KCNN3: variants seen among roughly 807,000 people sequenced by gnomAD.
KCNN3 encodes the protein small conductance calcium-activated potassium channel protein 3.
A neutral mutation model predicts 62.9 loss-of-function variants in KCNN3; 16 were observed. The ratio of observed to expected loss-of-function variants is 0.25; its 90% confidence interval spans 0.17 to 0.39. The LOEUF (loss-of-function observed/expected upper bound fraction) is 0.39. KCNN3 is among the 10% of genes least tolerant of loss of function. The pLI, the probability that KCNN3 is intolerant of heterozygous loss-of-function variation, is 1.00. For missense variants in KCNN3, 599 were observed against 949.4 expected, an observed-to-expected ratio of 0.63 and a Z score of 4.85; for synonymous variants, 370 against 389.2, an observed-to-expected ratio of 0.95 and a Z score of 0.58.
intron 2 of KCNN3, among the ~76,000 whole-genome samples, chr1:154,820,555 G>T (rs1364751180): frequency 6.6e-6 from 1 of 152,208 alleles, no homozygotes; most frequent in East Asian, 1.9e-4. Flanking sequence ...GGCTTTGGGT[G>T]GGGTGGAACC....
intron 3 of KCNN3, among the ~76,000 whole-genome samples, chr1:154,740,206 T>C (rs1700799245): frequency 6.6e-6 from 1 of 152,252 alleles, no homozygotes; most frequent in African/African-American, 2.4e-5. Flanking sequence ...CATTCACCTG[T>C]TGATGGACAG....
At position 154,801,284 on chromosome 1, in the gene KCNN3, C is replaced by T. The variant is rs535188447; in HGVS notation, c.1029+20805G>A. 6.6e-5 allele frequency among the ~76,000 whole-genome samples: 10 copies of T among 152,272 alleles called. No homozygotes were observed. The East Asian group carries it at 1.3e-3, about 21-fold the overall frequency. On this transcript the variant is annotated intron_variant, in intron 2 of 7. Transcript: ENST00000271915. ...TTTGCATTCTGAAATGAAGCATCAG[C>T]GTGCAATGACAGTTAAGGTCCCAAG... is the stretch of plus-strand genomic sequence containing the variant.
At chr1:154,854,241 A>T (rs1041856864) in intron 1 of KCNN3, among the ~76,000 whole-genome samples, 8 of 152,192 alleles carry the variant, frequency 5.3e-5, no homozygotes, top group Admixed American at 3.3e-4. Context: ...TCTCAAAAAT[A>T]ATAATAATAA....
intron 2 of KCNN3, among the ~76,000 whole-genome samples, chr1:154,800,678 C>A (rs114307026): frequency 0.013 from 1,968 of 152,200 alleles, 41 homozygotes; most frequent in African/African-American, 0.043. Context: ...TTCCTGGGGG[C>A]CCATTAAGCA....
At chr1:154,847,479 G>A (rs369834256) in intron 1 of KCNN3, among the ~76,000 whole-genome samples, 3 of 152,344 alleles carry the variant, frequency 2.0e-5, no homozygotes, top group South Asian at 2.1e-4. Flanking sequence ...CCAAGACCCC[G>A]CTCTCCTGAT....
chr1:154,750,580 A>C (rs1306171686), intron 3 of KCNN3, among the ~76,000 whole-genome samples: 1 of 152,106 alleles, frequency 6.6e-6, no homozygotes, highest in Admixed American at 6.5e-5. Flanking sequence ...GGCTGGGTCC[A>C]TGTGCATTAG....
Position 154,701,822 on chromosome 1 carries a change from A to G in KCNN3, c.*6154T>C, listed in dbSNP as rs1557930506. On this transcript the variant is annotated 3_prime_UTR_variant, in exon 8 of 8. Transcript: ENST00000271915. Reference sequence around the variant, plus strand: ...AGTTTGGAAAGCCGACCCCGGTTTCACGTACATGGAGAAACTCAGAATGCC... The same window carrying G: ...AGTTTGGAAAGCCGACCCCGGTTTCGCGTACATGGAGAAACTCAGAATGCC... The G allele has an allele frequency of 6.6e-6, 1 of 152,342 alleles. No individual in the cohort carries two copies. Among genetic ancestry groups the G allele is most frequent in the Non-Finnish European group, 1.5e-5 (1 of 68,038 alleles). The allele number at this position is 152,342 out of a possible 1,614,324, so 9.4% of individuals were successfully genotyped here.
chr1:154,846,778 C>G (rs1256785858), intron 1 of KCNN3, among the ~76,000 whole-genome samples: 1 of 152,132 alleles, frequency 6.6e-6, no homozygotes, highest in African/African-American at 2.4e-5. Context: ...GTAATCAAGG[C>G]CTTTGGGGAC....
chr1:154,831,559 C>T (rs1278759974), intron 1 of KCNN3, among the ~76,000 whole-genome samples: 1 of 152,172 alleles, frequency 6.6e-6, no homozygotes, highest in African/African-American at 2.4e-5. Flanking sequence ...CTGGGGTTGC[C>T]CTCACAGCTC....
chr1:154,848,285 C>T (rs1331417242), intron 1 of KCNN3, among the ~76,000 whole-genome samples: 2 of 152,188 alleles, frequency 1.3e-5, no homozygotes, highest in Non-Finnish European at 2.9e-5. Flanking sequence ...CTCAGATACC[C>T]AGGATGGAGA....
chr1:154,765,801 T>G (rs114077914), intron 3 of KCNN3, among the ~76,000 whole-genome samples: 2,422 of 151,530 alleles, frequency 0.016, 69 homozygotes, highest in African/African-American at 0.055. Flanking sequence ...TTTTGGTTTT[T>G]TTTTGTTTTG....
intron 1 of KCNN3, among the ~76,000 whole-genome samples, chr1:154,859,326 AT>A (rs748269756): frequency 1.6e-4 from 24 of 152,254 alleles, no homozygotes; most frequent in Admixed American, 3.9e-4. Context: ...AGGCAGGCTG[AT>A]GCCAACTCAG....
chr1:154,779,519 A>G (rs1277774447), intron 2 of KCNN3, among the ~76,000 whole-genome samples: 1 of 152,248 alleles, frequency 6.6e-6, no homozygotes, highest in Non-Finnish European at 1.5e-5. Flanking sequence ...TGGACACATG[A>G]TTTGAGATAT....
chr1:154,768,105 G>A (rs1172704395), intron 3 of KCNN3, among the ~76,000 whole-genome samples: 1 of 152,062 alleles, frequency 6.6e-6, no homozygotes, highest in African/African-American at 2.4e-5. Flanking sequence ...TGTGACCCTG[G>A]GCAAGTCACT....
Position 154,706,833 on chromosome 1 carries a change from A to AT in KCNN3, c.*1142dup, listed in dbSNP as rs1699974383. ...GGGCTGGAAACCTGTTGCTGGATAAATACAGCTCAGCAAATCCCCAACCAT... is the reference window on the plus strand; with the variant it reads ...GGGCTGGAAACCTGTTGCTGGATAAATTACAGCTCAGCAAATCCCCAACCAT... On this transcript the variant is annotated 3_prime_UTR_variant, in exon 8 of 8. Coordinates refer to ENST00000271915, the MANE Select transcript of KCNN3 (RefSeq NM_002249.6). The AT allele has an allele frequency of 6.6e-6, 1 of 152,222 alleles. No individual in the cohort carries two copies. Among genetic ancestry groups the AT allele is most frequent in the South Asian group, 2.1e-4 (1 of 4,834 alleles). 9.4% of individuals were successfully genotyped at this position (152,222 alleles called of 1,614,324 possible). A position where few individuals can be genotyped will look rare whatever the true frequency, so the allele number is the denominator to read the frequency against.
intron 2 of KCNN3, among the ~76,000 whole-genome samples, chr1:154,817,136 G>A (rs1650699916): frequency 6.6e-6 from 1 of 152,152 alleles, no homozygotes; most frequent in Admixed American, 6.5e-5. Flanking sequence ...TACTGGTTCC[G>A]GGTGGGTAGG....
chr1:154,725,405 T>C (rs1327975283), intron 5 of KCNN3, among the ~76,000 whole-genome samples: 2 of 152,170 alleles, frequency 1.3e-5, no homozygotes, highest in East Asian at 1.9e-4. Context: ...GCCTGAACCA[T>C]GCACAGTGAT....
intron 2 of KCNN3, among the ~76,000 whole-genome samples, chr1:154,800,728 C>A (rs891317136): frequency 3.3e-5 from 5 of 152,062 alleles, no homozygotes; most frequent in African/African-American, 1.2e-4. Flanking sequence ...CCGGGAGATG[C>A]CTGTTAGGAG....
chr1:154,716,175 A>G (rs1700230710), intron 5 of KCNN3, among the ~76,000 whole-genome samples: 1 of 152,274 alleles, frequency 6.6e-6, no homozygotes, highest in African/African-American at 2.4e-5. Flanking sequence ...GAGCTGAGAC[A>G]TATCAATGGC....
Sources: gnomAD v4.1 joint callset for allele counts (sites outside exome capture counted in the v4.1 genomes callset) on GRCh38, gnomAD v4.1.1 for gene constraint, MANE v1.5 for transcripts, NCBI Gene and HGNC (gene_info 2026-07-23, HGNC 2026-07-21) for gene names.